Variants in PRELID2 observed in about 807,000 individuals in gnomAD.
PRELID2 encodes PRELI domain containing 2.
A neutral mutation model predicts 28.4 loss-of-function variants in PRELID2; 25 were observed. That is an observed-to-expected ratio of 0.88 (90% CI 0.64 to 1.23). The LOEUF (loss-of-function observed/expected upper bound fraction) is 1.23, where lower values mean the gene tolerates loss of function less well. Ranked by LOEUF, PRELID2 falls within the 50% of genes most tolerant of loss-of-function variation. The probability of loss-of-function intolerance (pLI) is 0.00; values close to 1 mark genes in which losing one functional copy is unlikely to be tolerated. For missense variants in PRELID2, 201 were observed against 214.4 expected (o/e 0.94, Z 0.39); for synonymous variants, 76 against 71.6 (o/e 1.06, Z -0.31).
At chr5:145,651,952 C>T (rs927114286) in intron 1 of PRELID2, among the ~76,000 whole-genome samples, 3 of 151,864 alleles carry the variant, frequency 2.0e-5, no homozygotes, top group African/African-American at 7.2e-5. Flanking sequence ...GATCAAACTT[C>T]TATGAGCTAA....
chr5:145,721,002 A>AT (rs1323960809), intron 1 of PRELID2, among the ~76,000 whole-genome samples: 2 of 152,202 alleles, frequency 1.3e-5, no homozygotes, highest in East Asian at 3.9e-4. Context: ...GTTTTAAAAT[A>AT]TTTTTTATTT....
At chr5:145,726,098 G>C (rs1383950755) in intron 1 of PRELID2, among the ~76,000 whole-genome samples, 1 of 151,912 alleles carries the variant, frequency 6.6e-6, no homozygotes, top group Non-Finnish European at 1.5e-5. Flanking sequence ...GAGCCCACGA[G>C]ATGGAGGTTG....
At chr5:145,817,398 T>C (rs973422264) in intron 4 of PRELID2, among the ~76,000 whole-genome samples, 3 of 124,284 alleles carry the variant, frequency 2.4e-5, no homozygotes, top group Non-Finnish European at 3.5e-5. Context: ...TTGAATTATA[T>C]GCAATAAAGG....
chr5:145,636,313 T>A (rs1490885032), intron 1 of PRELID2, among the ~76,000 whole-genome samples: 3 of 152,218 alleles, frequency 2.0e-5, no homozygotes, highest in Non-Finnish European at 4.4e-5. Context: ...GCCATTCTGA[T>A]ATGCTGCTTC....
At chr5:145,491,487 T>G (rs13163235) in intron 1 of PRELID2, among the ~76,000 whole-genome samples, 1 of 152,212 alleles carries the variant, frequency 6.6e-6, no homozygotes, top group Admixed American at 6.5e-5. Context: ...ATGAACATTG[T>G]GGAATGACTA....
At chr5:145,528,726 C>CAG (rs1035893212) in intron 1 of PRELID2, among the ~76,000 whole-genome samples, 908 of 53,614 alleles carry the variant, frequency 0.017, 9 homozygotes, top group Non-Finnish European at 0.02. Flanking sequence ...CACACACACA[C>CAG]AGAGAGAGAG....
intron 1 of PRELID2, among the ~76,000 whole-genome samples, chr5:145,639,071 T>C (rs865984108): frequency 3.9e-4 from 60 of 152,296 alleles, no homozygotes; most frequent in African/African-American, 1.3e-3. Context: ...CAGCAAAATA[T>C]GAAAGAAGTA....
the PRELID2 span, among the ~76,000 whole-genome samples, chr5:145,417,628 C>A: frequency 6.6e-6 from 1 of 152,104 alleles, no homozygotes; most frequent in Admixed American, 6.6e-5. Context: ...ACCATATAAA[C>A]AGAACTAATG....
the PRELID2 span, among the ~76,000 whole-genome samples, chr5:145,426,701 A>G: frequency 6.6e-6 from 1 of 152,016 alleles, no homozygotes; most frequent in Non-Finnish European, 1.5e-5. Context: ...GAAAACAACA[A>G]CTCACAGAGG....
chr5:145,518,513 T>C (rs1752538649), intron 1 of PRELID2, among the ~76,000 whole-genome samples: 1 of 152,190 alleles, frequency 6.6e-6, no homozygotes, highest in Non-Finnish European at 1.5e-5. Context: ...TGCACGTTTG[T>C]ACCTATTCAG....
chr5:145,331,640 C>CTT, the PRELID2 span, among the ~76,000 whole-genome samples: 8 of 151,762 alleles, frequency 5.3e-5, no homozygotes, highest in Non-Finnish European at 8.8e-5. Context: ...TTCCTCCATC[C>CTT]TTTTTTTTGA....
At chr5:145,399,950 T>TC in the PRELID2 span, among the ~76,000 whole-genome samples, 1 of 152,004 alleles carries the variant, frequency 6.6e-6, no homozygotes, top group African/African-American at 2.4e-5. Context: ...TTCAATTACC[T>TC]CCCACTCGGT....
chr5:145,720,933 G>T (rs573945981), intron 1 of PRELID2, among the ~76,000 whole-genome samples: 1 of 152,010 alleles, frequency 6.6e-6, no homozygotes, highest in African/African-American at 2.4e-5. Context: ...TTTTGTTTAT[G>T]TGAGTTATAT....
intron 1 of PRELID2, among the ~76,000 whole-genome samples, chr5:145,604,748 G>GTTTTT (rs377653737): frequency 9.2e-6 from 1 of 108,994 alleles, no homozygotes; most frequent in African/African-American, 3.3e-5. Context: ...GTTTTTTTTG[G>GTTTTT]TTTTTTTTTT....
intron 1 of PRELID2, among the ~76,000 whole-genome samples, chr5:145,705,405 T>C (rs900445462): frequency 6.6e-6 from 1 of 151,970 alleles, no homozygotes; most frequent in South Asian, 2.1e-4. Flanking sequence ...GGTTTGACCA[T>C]ATTGGCCAGG....
At chr5:145,741,653 T>TAA (rs1271052014) in intron 1 of PRELID2, among the ~76,000 whole-genome samples, 1 of 22,718 alleles carries the variant, frequency 4.4e-5, no homozygotes, top group Non-Finnish European at 1.0e-4. Flanking sequence ...TATATATAAA[T>TAA]AATTTATTTA....
chr5:145,514,571 C>T (rs1163382248), intron 1 of PRELID2, among the ~76,000 whole-genome samples: 1 of 152,088 alleles, frequency 6.6e-6, no homozygotes, highest in Non-Finnish European at 1.5e-5. Flanking sequence ...ACTCCACTGT[C>T]AATATTAGAC....
the PRELID2 span, among the ~76,000 whole-genome samples, chr5:145,387,691 G>C: frequency 6.0e-3 from 911 of 152,186 alleles, 13 homozygotes; most frequent in African/African-American, 0.021. Context: ...CAGCACTTTG[G>C]GAGGCCAAGG....
intron 1 of PRELID2, among the ~76,000 whole-genome samples, chr5:145,733,086 A>G (rs1373772954): frequency 6.6e-6 from 1 of 151,616 alleles, no homozygotes; most frequent in African/African-American, 2.4e-5. Flanking sequence ...TCTCTACAAA[A>G]AAAAAAAAAA....
Sources: allele counts gnomAD v4.1 joint callset (sites outside exome capture counted in the v4.1 genomes callset), GRCh38; gene constraint gnomAD v4.1.1; transcripts MANE v1.5; gene names NCBI Gene and HGNC (gene_info 2026-07-23, HGNC 2026-07-21).